DCLK1: variants seen among roughly 807,000 people sequenced by gnomAD.
DCLK1 encodes serine/threonine-protein kinase DCLK1.
Under a neutral mutation model 86.2 loss-of-function variants are expected in DCLK1, and 16 were observed. The ratio of observed to expected loss-of-function variants is 0.19; its 90% CI spans 0.13 to 0.28. The LOEUF is 0.28. Among genes scored for constraint, DCLK1 ranks in the 10% least tolerant of loss-of-function variants. The pLI is 1.00. For synonymous variants in DCLK1, 369 were observed against 370.5 expected (o/e 1.00, Z 0.05); for missense variants, 590 against 940.2 (o/e 0.63, Z 4.87).
chr13:36,059,830 T>C (rs1883472648), intron 3 of DCLK1, among the ~76,000 whole-genome samples: 1 of 151,994 alleles, frequency 6.6e-6, no homozygotes, highest in South Asian at 2.1e-4. Flanking sequence ...TATTAGTATA[T>C]CATGTTTTTC....
intron 3 of DCLK1, among the ~76,000 whole-genome samples, chr13:36,032,401 C>A (rs570046845): frequency 6.6e-6 from 1 of 152,314 alleles, no homozygotes; most frequent in East Asian, 1.9e-4. Context: ...ACCTTGGCCT[C>A]CCAAAGTGTT....
chr13:35,854,197 A>C (rs1013205330), intron 6 of DCLK1, among the ~76,000 whole-genome samples: 2 of 152,216 alleles, frequency 1.3e-5, no homozygotes, highest in African/African-American at 4.8e-5. Context: ...ACTCATCACA[A>C]CTAAGAAGGC....
At position 35,774,479 on chromosome 13, in the gene DCLK1, A is replaced by G. The variant is rs376910686; in HGVS notation, c.*56T>C. 2.0e-5 allele frequency: 31 copies of G among 1,536,778 alleles called. No individual in the cohort carries two copies. The highest frequency in any genetic ancestry group is 1.7e-4 in the Middle Eastern group (1 of 5,892). ...AAACTGTTTTACACAAATTTGGGGG[A>G]AAAAAATCTCAGAGTCTCAAAGGGT... On this transcript the variant is annotated 3_prime_UTR_variant, in exon 17 of 17. Transcript: ENST00000360631.
At chr13:36,123,691 G>A (rs1886068759) in intron 2 of DCLK1, among the ~76,000 whole-genome samples, 1 of 152,196 alleles carries the variant, frequency 6.6e-6, no homozygotes, top group African/African-American at 2.4e-5. Flanking sequence ...TTAATATAAG[G>A]ATAACAGTTC....
intron 8 of DCLK1, 68 bp from the exon 9 acceptor site, chr13:35,828,375 G>A (rs1868659178): frequency 2.3e-6 from 3 of 1,326,128 alleles, no homozygotes; most frequent in Non-Finnish European, 3.1e-6. Flanking sequence ...ATTTTGTCAG[G>A]GATCAATTTC....
intron 15 of DCLK1, among the ~76,000 whole-genome samples, chr13:35,795,185 AT>A (rs1289819542): frequency 6.6e-6 from 1 of 152,202 alleles, no homozygotes; most frequent in Non-Finnish European, 1.5e-5. Context: ...GCCCTTAATG[AT>A]GGAGAGTGTG....
At chr13:35,940,365 T>A (rs1877018914) in intron 4 of DCLK1, among the ~76,000 whole-genome samples, 1 of 152,018 alleles carries the variant, frequency 6.6e-6, no homozygotes, top group Admixed American at 6.6e-5. Context: ...GTACTTGAGC[T>A]TAGCACACTG....
chr13:35,879,689 C>CG (rs1163240252), intron 4 of DCLK1, among the ~76,000 whole-genome samples: 6 of 152,098 alleles, frequency 3.9e-5, no homozygotes, highest in Admixed American at 2.0e-4. Context: ...GTTTCAACCC[C>CG]GGGGGAAAGC....
intron 2 of DCLK1, among the ~76,000 whole-genome samples, chr13:36,124,551 T>C (rs950553414): frequency 1.2e-4 from 19 of 152,090 alleles, no homozygotes; most frequent in East Asian, 5.8e-4. Flanking sequence ...CATACACTGG[T>C]TACAAAGCAG....
chr13:35,834,188 CA>C (rs999287879), intron 8 of DCLK1, among the ~76,000 whole-genome samples: 6 of 151,828 alleles, frequency 4.0e-5, no homozygotes. Context: ...GAAATAAAGC[CA>C]AAAAAAGCCA....
intron 4 of DCLK1, among the ~76,000 whole-genome samples, chr13:35,878,548 G>A (rs147069967): frequency 6.6e-6 from 1 of 151,994 alleles, no homozygotes; most frequent in African/African-American, 2.4e-5. Context: ...GATGGTTAAT[G>A]GGTACAAAAA....
chr13:35,874,829 G>C (rs1355333241), intron 4 of DCLK1, among the ~76,000 whole-genome samples: 1 of 152,202 alleles, frequency 6.6e-6, no homozygotes, highest in Non-Finnish European at 1.5e-5. Flanking sequence ...TCATGGCTCT[G>C]ACCATGCAAC....
chr13:36,094,713 T>G (rs1475191135), intron 3 of DCLK1, among the ~76,000 whole-genome samples: 1 of 152,228 alleles, frequency 6.6e-6, no homozygotes, highest in Non-Finnish European at 1.5e-5. Flanking sequence ...CTTTACATTT[T>G]GAAAATGTAT....
chr13:35,980,858 A>G (rs1421929729), intron 3 of DCLK1, among the ~76,000 whole-genome samples: 1 of 151,914 alleles, frequency 6.6e-6, no homozygotes, highest in Admixed American at 6.6e-5. Flanking sequence ...GGGTCTTGCC[A>G]TGTTACCCAG....
intron 3 of DCLK1, among the ~76,000 whole-genome samples, chr13:36,006,654 AT>A (rs1277343488): frequency 6.6e-6 from 1 of 152,152 alleles, no homozygotes; most frequent in Admixed American, 6.5e-5. Flanking sequence ...AAATTACTTC[AT>A]TTTGTTGTCT....
chr13:36,032,160 G>C (rs1263451677), intron 3 of DCLK1, among the ~76,000 whole-genome samples: 2 of 106,874 alleles, frequency 1.9e-5, no homozygotes, highest in Non-Finnish European at 3.9e-5. Context: ...CTTTTTTTTT[G>C]AGACGGATTC....
At chr13:35,850,169 C>T in intron 6 of DCLK1, 8 of 985,028 alleles carry the variant, frequency 8.1e-6, no homozygotes, top group South Asian at 4.7e-5. Context: ...GCTTTTTCTA[C>T]TGTCTAGGGA....
chr13:35,924,740 C>T (rs1345250492), intron 4 of DCLK1, among the ~76,000 whole-genome samples: 1 of 152,184 alleles, frequency 6.6e-6, no homozygotes, highest in African/African-American at 2.4e-5. Context: ...GTCCATACCT[C>T]TCATTAAATT....
At chr13:35,792,195 C>G (rs1052507525) in intron 16 of DCLK1, among the ~76,000 whole-genome samples, 2 of 152,158 alleles carry the variant, frequency 1.3e-5, no homozygotes, top group Non-Finnish European at 2.9e-5. Flanking sequence ...GTTGCTCACA[C>G]GCATGTAAAT....
Sources: allele counts gnomAD v4.1 joint callset (sites outside exome capture counted in the v4.1 genomes callset), GRCh38; gene constraint gnomAD v4.1.1; transcripts MANE v1.5; gene names NCBI Gene and HGNC (gene_info 2026-07-23, HGNC 2026-07-21).